The following ASB3 variants were observed in gnomAD, a reference collection of about 807,000 sequenced individuals.
ASB3 encodes the protein ankyrin repeat and SOCS box protein 3.
Under a neutral mutation model 54.5 loss-of-function variants are expected in ASB3, and 41 were observed. That is an observed-to-expected ratio of 0.75 (90% CI 0.59 to 0.98). ASB3 has a LOEUF of 0.98. Among genes scored for constraint, ASB3 ranks in the 50% least tolerant of loss-of-function variants. ASB3 has a pLI of 0.00. For synonymous variants in ASB3, 266 were observed against 221.2 expected (o/e 1.20, Z -1.80); for missense variants, 733 against 620.0 (o/e 1.18, Z -1.94).
chr2:53,681,344 C>G (rs1348334467), intron 9 of ASB3, among the ~76,000 whole-genome samples: 13 of 152,276 alleles, frequency 8.5e-5, no homozygotes, highest in Non-Finnish European at 7.4e-5. Context: ...TGACCGTTTC[C>G]TTTGCTGTGC....
chr2:53,685,554 C>T (rs1215296983), intron 9 of ASB3, among the ~76,000 whole-genome samples: 1 of 152,162 alleles, frequency 6.6e-6, no homozygotes, highest in Non-Finnish European at 1.5e-5. Flanking sequence ...CCTAACCTTC[C>T]CTGCTACAGT....
chr2:53,735,920 C>A (rs1448081593), intron 3 of ASB3, among the ~76,000 whole-genome samples: 1 of 151,720 alleles, frequency 6.6e-6, no homozygotes, highest in East Asian at 1.9e-4. Flanking sequence ...AAAATCTTCA[C>A]CCCTGTCCCA....
At chr2:53,762,280 G>C (rs928176996) in intron 2 of ASB3, among the ~76,000 whole-genome samples, 1 of 152,084 alleles carries the variant, frequency 6.6e-6, no homozygotes, top group Non-Finnish European at 1.5e-5. Flanking sequence ...AGGAATTAAT[G>C]ATGGCCCAGA....
intron 6 of ASB3, 81 bp downstream of exon 6, chr2:53,716,485 A>T: frequency 1.3e-6 from 2 of 1,508,326 alleles, no homozygotes; most frequent in South Asian, 2.7e-5. Context: ...CTTTGCCTAG[A>T]GGTGAAGGGT....
intron 2 of ASB3, among the ~76,000 whole-genome samples, chr2:53,765,066 A>G (rs1673360914): frequency 6.6e-6 from 1 of 152,240 alleles, no homozygotes; most frequent in South Asian, 2.1e-4. Flanking sequence ...AAAGGAAGAA[A>G]GAATAAACAT....
chr2:53,741,508 A>T (rs1671931580), intron 3 of ASB3, among the ~76,000 whole-genome samples: 1 of 152,244 alleles, frequency 6.6e-6, no homozygotes, highest in African/African-American at 2.4e-5. Context: ...ATATTGATTT[A>T]TATAATGGTT....
chr2:53,754,773 T>C (rs542405601), intron 2 of ASB3, among the ~76,000 whole-genome samples: 2 of 152,340 alleles, frequency 1.3e-5, no homozygotes, highest in Admixed American at 6.5e-5. Context: ...CAAATGCAGA[T>C]AGATATGCAA....
At chr2:53,686,408 G>A (rs1558516107) in intron 9 of ASB3, among the ~76,000 whole-genome samples, 1 of 152,106 alleles carries the variant, frequency 6.6e-6, no homozygotes, top group East Asian at 1.9e-4. Context: ...ACGGTTTTGT[G>A]CCTTTTATAT....
At chr2:53,708,301 C>T (rs979740189) in intron 7 of ASB3, among the ~76,000 whole-genome samples, 1 of 152,186 alleles carries the variant, frequency 6.6e-6, no homozygotes, top group African/African-American at 2.4e-5. Flanking sequence ...GCTCTCACTT[C>T]GCCTTCTGCC....
chr2:53,697,870 C>G (rs1274013345), intron 8 of ASB3, among the ~76,000 whole-genome samples: 1 of 152,178 alleles, frequency 6.6e-6, no homozygotes, highest in Non-Finnish European at 1.5e-5. Context: ...CAGTCCCACC[C>G]CTATGGCGCC....
chr2:53,767,847 C>G lies in ASB3; in HGVS notation c.-13-2262G>C, dbSNP rs765670565. The G allele has an allele frequency of 4.4e-6, 7 of 1,576,134 alleles. No individual in the cohort carries two copies. In the Middle Eastern group the frequency reaches 5.0e-4, roughly 113 times the overall value. ...TCAGTCCCCGGCGGCGCGGCGACAGCTAGGGTTCACGGCCACTGGGGCAGA... is the reference window on the plus strand; with the variant it reads ...TCAGTCCCCGGCGGCGCGGCGACAGGTAGGGTTCACGGCCACTGGGGCAGA... On this transcript the variant is annotated intron_variant, in intron 1 of 9. Transcript: ENST00000263634.
At chr2:53,755,983 C>G (rs997434655) in intron 2 of ASB3, among the ~76,000 whole-genome samples, 2 of 151,144 alleles carry the variant, frequency 1.3e-5, no homozygotes, top group Admixed American at 6.6e-5. Context: ...TAAGACCCCC[C>G]CCCCACCTCT....
At chr2:53,677,970 T>A (rs1668169274) in intron 9 of ASB3, among the ~76,000 whole-genome samples, 1 of 152,348 alleles carries the variant, frequency 6.6e-6, no homozygotes, top group African/African-American at 2.4e-5. Flanking sequence ...GGTAGTCATT[T>A]TTATTTTAGC....
chr2:53,765,055 T>G (rs1321736404), intron 2 of ASB3, among the ~76,000 whole-genome samples: 1 of 152,168 alleles, frequency 6.6e-6, no homozygotes, highest in Non-Finnish European at 1.5e-5. Flanking sequence ...TTCTGTTTGG[T>G]AAAGGAAGAA....
intron 9 of ASB3, among the ~76,000 whole-genome samples, chr2:53,674,592 A>G (rs1350194597): frequency 1.3e-5 from 2 of 152,154 alleles, no homozygotes; most frequent in African/African-American, 4.8e-5. Flanking sequence ...TATTTTCTAC[A>G]TTCATCTTTA....
At chr2:53,753,918 G>C (rs776427053) in intron 2 of ASB3, among the ~76,000 whole-genome samples, 1 of 152,052 alleles carries the variant, frequency 6.6e-6, no homozygotes, top group Non-Finnish European at 1.5e-5. Context: ...TGAGATTACA[G>C]GCGTGAGCCA....
At chr2:53,708,697 C>T (rs1669927109) in intron 7 of ASB3, among the ~76,000 whole-genome samples, 1 of 152,166 alleles carries the variant, frequency 6.6e-6, no homozygotes, top group Admixed American at 6.5e-5. Flanking sequence ...GATGGAAAAG[C>T]AGAACTTACT....
At chr2:53,762,934 G>T (rs1433340145) in intron 2 of ASB3, among the ~76,000 whole-genome samples, 1 of 152,176 alleles carries the variant, frequency 6.6e-6, no homozygotes, top group Non-Finnish European at 1.5e-5. Context: ...CTAAATTGAA[G>T]AGACAGTGAA....
At chr2:53,726,615 TAC>T (rs1320292652) in intron 5 of ASB3, among the ~76,000 whole-genome samples, 3 of 151,216 alleles carry the variant, frequency 2.0e-5, no homozygotes, top group Non-Finnish European at 2.9e-5. Flanking sequence ...CACATATATA[TAC>T]ACACATATAT....
Sources: allele counts gnomAD v4.1 joint callset (sites outside exome capture counted in the v4.1 genomes callset), GRCh38; gene constraint gnomAD v4.1.1; transcripts MANE v1.5; gene names NCBI Gene and HGNC (gene_info 2026-07-23, HGNC 2026-07-21).